Variants in CCDC102B observed in about 807,000 individuals in gnomAD.
CCDC102B encodes the protein coiled-coil domain containing 102B.
A neutral mutation model predicts 57.4 loss-of-function variants in CCDC102B; 75 were observed. The ratio of observed to expected loss-of-function variants is 1.31; its 90% CI spans 1.08 to 1.58. The LOEUF (loss-of-function observed/expected upper bound fraction) is 1.58, where lower values mean the gene tolerates loss of function less well. Among genes scored for constraint, CCDC102B ranks in the 40% most tolerant of loss-of-function variants. The pLI is 0.00. For missense variants in CCDC102B, 636 were observed against 582.6 expected (o/e 1.09, Z -0.94); for synonymous variants, 206 against 201.9 (o/e 1.02, Z -0.17).
At chr18:68,802,173 G>A (rs2035878886) in intron 1 of CCDC102B, among the ~76,000 whole-genome samples, 1 of 152,120 alleles carries the variant, frequency 6.6e-6, no homozygotes, top group African/African-American at 2.4e-5. Context: ...TAATCTCAGG[G>A]ATTGTCTGAG....
At chr18:69,003,595 G>A (rs139585664) in intron 6 of CCDC102B, among the ~76,000 whole-genome samples, 3 of 152,284 alleles carry the variant, frequency 2.0e-5, no homozygotes, top group African/African-American at 7.2e-5. Context: ...CTCTGGACCT[G>A]ATACCTATGC....
intron 2 of CCDC102B, among the ~76,000 whole-genome samples, chr18:68,780,470 GTTT>G (rs35742450): frequency 2.9e-5 from 4 of 139,816 alleles, no homozygotes; most frequent in African/African-American, 5.3e-5. Flanking sequence ...ATCAACACTT[GTTT>G]TTTTTTTTTT....
intron 6 of CCDC102B, among the ~76,000 whole-genome samples, chr18:68,974,029 C>T (rs2050370626): frequency 6.6e-6 from 1 of 152,062 alleles, no homozygotes; most frequent in Admixed American, 6.6e-5. Context: ...ATAAAGAAAA[C>T]AAATAGGAAC....
chr18:68,733,507 T>TATATATATA (rs1491296876), intron 2 of CCDC102B, among the ~76,000 whole-genome samples: 34 of 76,116 alleles, frequency 4.5e-4, no homozygotes, highest in Non-Finnish European at 5.6e-4. Context: ...TATATATATA[T>TATATATATA]TTTTTTAACT....
At chr18:68,932,497 C>A (rs2041709800) in intron 6 of CCDC102B, among the ~76,000 whole-genome samples, 1 of 151,802 alleles carries the variant, frequency 6.6e-6, no homozygotes, top group Non-Finnish European at 1.5e-5. Flanking sequence ...GATATTTAGA[C>A]CACCTTAAAA....
chr18:69,037,245 C>A (rs1192246764), intron 7 of CCDC102B, among the ~76,000 whole-genome samples: 1 of 151,818 alleles, frequency 6.6e-6, no homozygotes, highest in Admixed American at 6.6e-5. Flanking sequence ...TGTATATGCA[C>A]CCACACATCC....
chr18:69,040,406 GTGTGTGTGTGTGTA>G (rs149644644), intron 7 of CCDC102B, among the ~76,000 whole-genome samples: 95,698 of 131,968 alleles, frequency 0.73, 32,350 homozygotes, highest in Non-Finnish European at 0.79. Context: ...GTGTGTGTGT[GTGTGTGTGTGTGTA>G]TGTGTGTGTG....
chr18:68,791,667 CTAA>C (rs2035466788), intron 2 of CCDC102B, among the ~76,000 whole-genome samples: 1 of 151,544 alleles, frequency 6.6e-6, no homozygotes, highest in Admixed American at 6.6e-5. Flanking sequence ...TTTAAAGCAC[CTAA>C]TGTTTTAGTA....
chr18:68,892,415 A>G (rs961399008), intron 5 of CCDC102B, among the ~76,000 whole-genome samples: 2 of 152,110 alleles, frequency 1.3e-5, no homozygotes, highest in Non-Finnish European at 2.9e-5. Context: ...TCTCTTCTGC[A>G]CCATCCCCAT....
intron 5 of CCDC102B, among the ~76,000 whole-genome samples, chr18:68,886,125 C>T (rs2070218867): frequency 6.6e-6 from 1 of 151,680 alleles, no homozygotes; most frequent in Admixed American, 6.6e-5. Flanking sequence ...AATCCCAGAA[C>T]TTTGGGAGAA....
chr18:68,731,539 C>T (rs2032862656), intron 2 of CCDC102B, among the ~76,000 whole-genome samples: 1 of 151,936 alleles, frequency 6.6e-6, no homozygotes, highest in Non-Finnish European at 1.5e-5. Context: ...TCTACATTTG[C>T]ATATTAGGTT....
intron 2 of CCDC102B, among the ~76,000 whole-genome samples, chr18:68,768,207 C>G (rs1040738705): frequency 6.6e-6 from 1 of 152,096 alleles, no homozygotes; most frequent in African/African-American, 2.4e-5. Context: ...AATTATTAAA[C>G]CAATAATAAA....
rs183920292 is a variant in CCDC102B, at chr18:68,744,298, A to G, written c.-67+27704A>G. Among the ~76,000 whole-genome samples the G allele has an allele frequency of 1.1e-3, 163 of 152,316 alleles. 1 individual carries two copies. The highest frequency in any genetic ancestry group is 3.9e-3 in the African/African-American group (161 of 41,572). On this transcript the variant is annotated intron_variant, in intron 2 of 3. Transcript: ENST00000578970. ...GTAATTTGTTGTTCTGACAATTTTT[A>G]GATCCATATGGGACAAAATCAATAC...
intron 6 of CCDC102B, among the ~76,000 whole-genome samples, chr18:68,909,468 A>G (rs867486004): frequency 5.3e-5 from 8 of 152,350 alleles, no homozygotes; most frequent in Middle Eastern, 3.4e-3. Flanking sequence ...GATTCTACCA[A>G]TAAGTATTTT....
intron 5 of CCDC102B, among the ~76,000 whole-genome samples, chr18:68,883,970 G>A (rs183060027): frequency 9.2e-4 from 140 of 152,106 alleles, no homozygotes; most frequent in African/African-American, 3.2e-3. Flanking sequence ...TTTAACATCC[G>A]GTAGAAAGTT....
chr18:68,966,550 A>G (rs1289026533), intron 6 of CCDC102B, among the ~76,000 whole-genome samples: 1 of 152,090 alleles, frequency 6.6e-6, no homozygotes, highest in Admixed American at 6.6e-5. Flanking sequence ...TGGTTAATAT[A>G]TCAGAGAGTT....
intron 6 of CCDC102B, among the ~76,000 whole-genome samples, chr18:68,981,338 G>T (rs1366929449): frequency 6.6e-6 from 1 of 152,006 alleles, no homozygotes; most frequent in Non-Finnish European, 1.5e-5. Context: ...GTTTTCGAGG[G>T]AAGTTTTATT....
intron 1 of CCDC102B, among the ~76,000 whole-genome samples, chr18:68,818,482 G>C (rs572656823): frequency 6.6e-6 from 1 of 152,250 alleles, no homozygotes; most frequent in South Asian, 2.1e-4. Flanking sequence ...CCAATACCCA[G>C]ATCAAGTAAT....
chr18:68,902,666 G>A (rs2040496020), intron 6 of CCDC102B, among the ~76,000 whole-genome samples: 1 of 152,146 alleles, frequency 6.6e-6, no homozygotes, highest in Non-Finnish European at 1.5e-5. Context: ...TTTTGTTGCA[G>A]CTTCTGGCAG....
Sources: allele counts gnomAD v4.1 joint callset (sites outside exome capture counted in the v4.1 genomes callset), GRCh38; gene constraint gnomAD v4.1.1; transcripts MANE v1.5; gene names NCBI Gene and HGNC (gene_info 2026-07-23, HGNC 2026-07-21).